The following FAM162A variants were observed in gnomAD, a reference collection of about 807,000 sequenced individuals.
The protein encoded by FAM162A is protein FAM162A.
Under a neutral mutation model 21.8 loss-of-function variants are expected in FAM162A, and 23 were observed. That is an observed-to-expected ratio of 1.05 (90% CI 0.76 to 1.49). The LOEUF (loss-of-function observed/expected upper bound fraction) is 1.49, where lower values mean the gene tolerates loss of function less well. Among genes scored for constraint, FAM162A ranks in the 40% most tolerant of loss-of-function variants. FAM162A has a pLI of 0.00. For synonymous variants in FAM162A, 53 were observed against 61.3 expected (o/e 0.86, Z 0.64); for missense variants, 165 against 186.4 (o/e 0.89, Z 0.67).
chr3:122,403,155 G>A (rs776745373), intron 2 of FAM162A, among the ~76,000 whole-genome samples: 48 of 151,444 alleles, frequency 3.2e-4, no homozygotes, highest in Non-Finnish European at 4.9e-4. Context: ...TTACTCATAC[G>A]TAGGCCCATG....
At chr3:122,404,237 C>G (rs1283243563) in intron 2 of FAM162A, 21 bp from the exon 3 acceptor site, 3 of 1,283,424 alleles carry the variant, frequency 2.3e-6, no homozygotes, top group Non-Finnish European at 3.3e-6. Flanking sequence ...CATAAAATTT[C>G]TTGTCTGGTT....
Position 122,384,191 on chromosome 3 carries a change from C to G in FAM162A, c.-75C>G. The G allele has an allele frequency of 6.5e-7, 1 of 1,540,112 alleles. No homozygotes were observed. The highest frequency in any genetic ancestry group is 8.8e-7 in the Non-Finnish European group (1 of 1,138,586). On this transcript the variant is annotated 5_prime_UTR_variant, in exon 1 of 5. Transcript: ENST00000477892. The stretch of plus-strand genomic sequence containing the variant: ...CGCCTGCGTCCTTCCCACTCCAACG[C>G]TGGGTGACATTGAGCTCACCAGCGC...
At chr3:122,402,669 A>G (rs993105169) in intron 1 of FAM162A, 91 bp from the exon 2 acceptor site, 16 of 1,213,726 alleles carry the variant, frequency 1.3e-5, no homozygotes, top group Non-Finnish European at 1.8e-5. Flanking sequence ...ACCTTTTATA[A>G]ATGAAACGTA....
chr3:122,392,346 C>T (rs2075607567), intron 1 of FAM162A, among the ~76,000 whole-genome samples: 1 of 152,124 alleles, frequency 6.6e-6, no homozygotes, highest in South Asian at 2.1e-4. Flanking sequence ...GAGATGGGGC[C>T]TTGTAGGTCA....
intron 3 of FAM162A, among the ~76,000 whole-genome samples, chr3:122,406,216 G>A (rs1490835835): frequency 1.3e-5 from 2 of 152,036 alleles, no homozygotes; most frequent in East Asian, 3.9e-4. Context: ...TTAATCCTGG[G>A]CCCCATAAGG....
intron 1 of FAM162A, among the ~76,000 whole-genome samples, chr3:122,395,930 C>T (rs1320503742): frequency 6.6e-6 from 1 of 152,080 alleles, no homozygotes; most frequent in Non-Finnish European, 1.5e-5. Context: ...GGCGCTAAAA[C>T]AACTCAGTGC....
Position 122,407,381 on chromosome 3 carries a change from G to T in FAM162A, c.364G>T (p.Gly122Cys), listed in dbSNP as rs1254666430. 2 of 1,612,998 alleles carry T rather than the reference G, an allele frequency of 1.2e-6. No homozygotes were observed. The highest frequency in any genetic ancestry group is 1.7e-6 in the Non-Finnish European group (2 of 1,179,178). ...VVGCIFMVIEGKKAAQRHETL... is the reference protein window; with the variant it reads ...VVGCIFMVIECKKAAQRHETL... ...AGGATGCATCTTCATGGTTATTGAG[G>T]GCAAGAAGGTGAGAAGGGGTTTCTT... Residue 122 changes from glycine to cysteine, a missense_variant, in exon 4 of 5, where the codon GGC (glycine) becomes TGC (cysteine). Coordinates refer to ENST00000477892, the MANE Select transcript of FAM162A (RefSeq NM_014367.4).
chr3:122,408,172 A>T (rs559764113), intron 4 of FAM162A, among the ~76,000 whole-genome samples: 1 of 152,316 alleles, frequency 6.6e-6, no homozygotes, highest in African/African-American at 2.4e-5. Context: ...TGTTAAGCTC[A>T]CTTAATCACC....
chr3:122,407,468 A>T (rs2075682379), intron 4 of FAM162A, 79 bp downstream of exon 4: 1 of 1,120,458 alleles, frequency 8.9e-7, no homozygotes, highest in Non-Finnish European at 1.3e-6. Flanking sequence ...TGACCCTTGT[A>T]TTTACCCTCT....
At chr3:122,403,545 C>T (rs955538743) in intron 2 of FAM162A, among the ~76,000 whole-genome samples, 6 of 152,182 alleles carry the variant, frequency 3.9e-5, no homozygotes, top group East Asian at 3.9e-4. Flanking sequence ...TCTCTATTCC[C>T]GACTTATTAA....
chr3:122,389,581 T>C (rs1430896597), intron 1 of FAM162A, among the ~76,000 whole-genome samples: 2 of 152,126 alleles, frequency 1.3e-5, no homozygotes, highest in East Asian at 3.8e-4. Flanking sequence ...CACTGAAAAA[T>C]TGGAAAGAAA....
chr3:122,396,056 C>T (rs115688456), intron 1 of FAM162A, among the ~76,000 whole-genome samples: 355 of 152,234 alleles, frequency 2.3e-3, no homozygotes, highest in Non-Finnish European at 3.8e-3. Context: ...AAATGGATCA[C>T]AGACCTAAAT....
intron 1 of FAM162A, among the ~76,000 whole-genome samples, chr3:122,384,791 G>A (rs1388769715): frequency 1.3e-5 from 2 of 152,152 alleles, no homozygotes; most frequent in Non-Finnish European, 1.5e-5. Flanking sequence ...AAGGATTTAG[G>A]TCTTAGAGAT....
intron 1 of FAM162A, among the ~76,000 whole-genome samples, chr3:122,387,635 G>A (rs753736089): frequency 8.5e-5 from 13 of 152,098 alleles, no homozygotes; most frequent in East Asian, 5.8e-4. Context: ...GAGAACGTAC[G>A]CATTTTAACT....
At chr3:122,391,010 T>C (rs972158480) in intron 1 of FAM162A, among the ~76,000 whole-genome samples, 1 of 152,180 alleles carries the variant, frequency 6.6e-6, no homozygotes, top group African/African-American at 2.4e-5. Context: ...CACCAGAGGA[T>C]GGAAAATTTC....
chr3:122,397,632 C>T (rs1039101720), intron 1 of FAM162A, among the ~76,000 whole-genome samples: 6 of 152,174 alleles, frequency 3.9e-5, no homozygotes, highest in African/African-American at 9.6e-5. Flanking sequence ...GCCTCATCTG[C>T]ACCACAATCC....
chr3:122,388,561 A>G (rs926516329), intron 1 of FAM162A, among the ~76,000 whole-genome samples: 8 of 152,202 alleles, frequency 5.3e-5, no homozygotes, highest in African/African-American at 1.7e-4. Flanking sequence ...GAGGTGTGAC[A>G]TGGTGTAAAT....
intron 1 of FAM162A, among the ~76,000 whole-genome samples, chr3:122,385,526 G>A (rs1383983340): frequency 6.6e-6 from 1 of 152,190 alleles, no homozygotes; most frequent in Non-Finnish European, 1.5e-5. Flanking sequence ...TGCATGAAAA[G>A]AACTTTGACA....
chr3:122,406,752 G>A (rs2075677750), intron 3 of FAM162A, among the ~76,000 whole-genome samples: 1 of 152,226 alleles, frequency 6.6e-6, no homozygotes, highest in Admixed American at 6.5e-5. Flanking sequence ...TGGGTATATG[G>A]AGCACATTGG....
Sources: gnomAD v4.1 joint callset for allele counts (sites outside exome capture counted in the v4.1 genomes callset) on GRCh38, gnomAD v4.1.1 for gene constraint, MANE v1.5 for transcripts, NCBI Gene and HGNC (gene_info 2026-07-23, HGNC 2026-07-21) for gene names.